The following HMCN2 variants were observed in gnomAD, a reference collection of about 807,000 sequenced individuals.
HMCN2 encodes hemicentin 2, also known as hemicentin-2.
A neutral mutation model predicts 377.5 loss-of-function variants in HMCN2; 325 were observed. The ratio of observed to expected loss-of-function variants is 0.86; its 90% CI spans 0.79 to 0.94. The LOEUF (loss-of-function observed/expected upper bound fraction) is 0.94. HMCN2 is among the 40% of genes least tolerant of loss of function. The pLI, the probability that HMCN2 is intolerant of heterozygous loss-of-function variation, is 0.00. For synonymous variants in HMCN2, 2,007 were observed against 2,046.8 expected (o/e 0.98, Z 0.53); for missense variants, 4,543 against 4,725.3 (o/e 0.96, Z 1.13).
chr9:130,277,799 TCACCACCACCAC>T (rs1834802432), intron 1 of HMCN2, among the ~76,000 whole-genome samples: 1 of 80,702 alleles, frequency 1.2e-5, no homozygotes, highest in Non-Finnish European at 2.6e-5. Context: ...ACCATCATCA[TCACCACCACCAC>T]CATCATCATC....
intron 22 of HMCN2, among the ~76,000 whole-genome samples, chr9:130,332,055 G>A (rs1212834804): frequency 7.9e-5 from 12 of 152,166 alleles, no homozygotes; most frequent in African/African-American, 2.7e-4. Context: ...GCCTGCAGCT[G>A]GGATCTGGTG....
At chr9:130,312,493 CTCTT>C (rs1163276102) in intron 15 of HMCN2, among the ~76,000 whole-genome samples, 3 of 140,242 alleles carry the variant, frequency 2.1e-5, no homozygotes, top group African/African-American at 5.3e-5. Context: ...TTCTCTCTCT[CTCTT>C]TCTTTCTGTC....
intron 1 of HMCN2, among the ~76,000 whole-genome samples, chr9:130,272,237 A>AT (rs782369046): frequency 4.0e-5 from 6 of 148,684 alleles, no homozygotes; most frequent in African/African-American, 1.2e-4. Flanking sequence ...AAAAAAATAA[A>AT]TTTTTTTGTT....
chr9:130,288,239 G>A (rs1337784559), intron 4 of HMCN2, among the ~76,000 whole-genome samples: 3 of 152,194 alleles, frequency 2.0e-5, no homozygotes, highest in Non-Finnish European at 4.4e-5. Context: ...CTTGAGGCTG[G>A]GAACCTGGGC....
chr9:130,407,024 G>A (rs1374758502), intron 82 of HMCN2: 1 of 153,256 alleles, frequency 6.5e-6, no homozygotes, highest in African/African-American at 2.4e-5. Context: ...GCCAAGGCAG[G>A]TGGATCACCT....
In HMCN2 at chr9:130,425,747, C is replaced by A; in HGVS notation, c.13702C>A (p.Arg4568Ser). 1 of 1,550,486 alleles carries A rather than the reference C, an allele frequency of 6.4e-7. No individual in the cohort carries two copies. Among genetic ancestry groups the A allele is most frequent in the South Asian group, 1.2e-5 (1 of 84,054 alleles). The change falls in exon 90 of 98, where the codon CGC becomes AGC. Residue 4568 changes from arginine (R) to serine (S), a missense_variant. Transcript: ENST00000683500. ...CCAGCTGTTCGTGGGCTCCACACAGCGCTTCTTCCAGGGCGGCCTCCCCTC... is the reference window on the plus strand; with the variant it reads ...CCAGCTGTTCGTGGGCTCCACACAGAGCTTCTTCCAGGGCGGCCTCCCCTC... ...PGQLFVGSTQRFFQGGLPSFL... is the reference protein window; with the variant it reads ...PGQLFVGSTQSFFQGGLPSFL...
intron 44 of HMCN2, among the ~76,000 whole-genome samples, chr9:130,368,858 T>G (rs1840849005): frequency 6.6e-6 from 1 of 152,050 alleles, no homozygotes; most frequent in African/African-American, 2.4e-5. Flanking sequence ...GCCCAGATGA[T>G]CCAATCACCT....
chr9:130,265,977 C>G lies in HMCN2; in HGVS notation c.99C>G (p.Thr33=), dbSNP rs1554918757. The G allele has an allele frequency of 6.4e-6, 3 of 468,280 alleles. No homozygotes were observed. The highest frequency in any genetic ancestry group is 7.1e-5 in the East Asian group (1 of 14,110). The allele number at this position is 468,280 out of a possible 1,614,324, so 29.0% of individuals were successfully genotyped here. The change falls in exon 1 of 98, where the codon ACC becomes ACG. Residue 33 remains threonine, a synonymous_variant. Transcript: ENST00000683500. ...AGAPGTVMPP[T]TGDATLAFVF... is the part of the protein sequence containing the mutation. ...CGCCCGGGACGGTAATGCCCCCCAC[C>G]ACGGGGGACGCCACCCTGGCCTTCG...
intron 89 of HMCN2, 68 bp downstream of exon 89, chr9:130,425,198 C>T (rs1844256930): frequency 1.4e-6 from 2 of 1,466,494 alleles, no homozygotes; most frequent in South Asian, 1.4e-5. Context: ...CGGCTCTCAA[C>T]CACCCCTGAG....
At chr9:130,336,088 T>C (rs2062178775) in intron 22 of HMCN2, among the ~76,000 whole-genome samples, 1 of 151,380 alleles carries the variant, frequency 6.6e-6, no homozygotes, top group Admixed American at 6.6e-5. Flanking sequence ...GTGAGACACA[T>C]AGAGCAGTGA....
rs996766244 is a variant in HMCN2, at chr9:130,420,275, C to T, written c.13231+1234C>T. ...ATTTTTAGTACAGATGGGGTTTCAC[C>T]GCGTTAGCCAGGATGGTGTCTATCT... On this transcript the variant is annotated intron_variant, in intron 86 of 97. Coordinates refer to ENST00000683500, the MANE Select transcript of HMCN2 (RefSeq NM_001291815.2). 3.3e-5 allele frequency among the ~76,000 whole-genome samples: 5 copies of T among 151,990 alleles called. No homozygotes were observed. The Middle Eastern group carries it at 0.01, about 310-fold the overall frequency.
chr9:130,433,308 C>T (rs1281544547), intron 97 of HMCN2, 40 bp from the exon 98 acceptor site: 4 of 1,381,640 alleles, frequency 2.9e-6, no homozygotes, highest in Non-Finnish European at 3.7e-6. Flanking sequence ...TCCGACCGCA[C>T]CCCCGAGTCC....
At chr9:130,397,707 CCTT>C (rs2131701155) in intron 74 of HMCN2, 52 bp downstream of exon 74, 3 of 1,275,360 alleles carry the variant, frequency 2.4e-6, no homozygotes, top group East Asian at 1.1e-4. Flanking sequence ...GGGGTCCAGT[CCTT>C]CTTAGTTTCT....
At chr9:130,335,461 C>T (rs1326635051) in intron 22 of HMCN2, among the ~76,000 whole-genome samples, 3 of 152,198 alleles carry the variant, frequency 2.0e-5, no homozygotes, top group Admixed American at 2.0e-4. Flanking sequence ...TCGCGTATTC[C>T]TTTGCACTAT....
intron 35 of HMCN2, 129 bp from the exon 36 acceptor site, chr9:130,358,261 C>A: frequency 9.0e-7 from 1 of 1,116,264 alleles, no homozygotes; most frequent in Non-Finnish European, 1.2e-6. Context: ...ATAACTCTAC[C>A]TCCAGAGCCA....
chr9:130,425,699 C>T lies in HMCN2; in HGVS notation c.13654C>T (p.His4552Tyr). 6.5e-7 allele frequency: 1 copy of T among 1,546,466 alleles called. No individual in the cohort carries two copies. Among genetic ancestry groups the T allele is most frequent in the Non-Finnish European group, 8.7e-7 (1 of 1,144,734 alleles). Residue 4552 changes from histidine to tyrosine, a missense_variant, in exon 90 of 98, where the codon CAC becomes TAC. This residue lies in a region of HMCN2 where 1,155 missense variants were observed against 1,157.7 expected (regional missense o/e 1.00). Transcript: ENST00000683500. ...CTTCATCCTGCAGGACTTTGAGGAG[C>T]ACTACGTGCAAACAGGGCCTGGCCA... ...ADLQVQDFEE[H>Y]YVQTGPGQLF... is the part of the protein sequence containing the mutation.
At chr9:130,362,188 G>C (rs898086845) in intron 39 of HMCN2, 23 bp downstream of exon 39, 1 of 985,788 alleles carries the variant, frequency 1.0e-6, no homozygotes. Flanking sequence ...GGGTGGCCCC[G>C]GCTCAACCTC....
chr9:130,288,721 G>A (rs782703368), intron 4 of HMCN2, among the ~76,000 whole-genome samples: 2 of 152,232 alleles, frequency 1.3e-5, no homozygotes, highest in Non-Finnish European at 2.9e-5. Context: ...CTGGTGCAGA[G>A]TTGGCCATCA....
At chr9:130,398,380 ACAC>A (rs1411051421) in intron 74 of HMCN2, among the ~76,000 whole-genome samples, 168 bp from the exon 75 acceptor site, 2 of 151,924 alleles carry the variant, frequency 1.3e-5, no homozygotes, top group African/African-American at 4.8e-5. Flanking sequence ...AAAGCCCAAA[ACAC>A]CCTGCTGGAA....
Sources: allele counts gnomAD v4.1 joint callset (sites outside exome capture counted in the v4.1 genomes callset), GRCh38; gene constraint gnomAD v4.1.1; regional missense constraint gnomAD v4.1.1; transcripts MANE v1.5; gene names NCBI Gene and HGNC (gene_info 2026-07-23, HGNC 2026-07-21).